Variants in CTNNA1 observed in about 807,000 individuals in gnomAD.
CTNNA1 encodes catenin alpha-1.
In CTNNA1, 37 loss-of-function variants were observed where a neutral mutation model predicts 98.4. The ratio of observed to expected loss-of-function variants is 0.38; its 90% confidence interval spans 0.29 to 0.49. The LOEUF (loss-of-function observed/expected upper bound fraction) is 0.49. Among genes scored for constraint, CTNNA1 ranks in the 20% least tolerant of loss-of-function variants. CTNNA1 has a pLI of 0.95. For synonymous variants in CTNNA1, 404 were observed against 413.2 expected (o/e 0.98, Z 0.27); for missense variants, 761 against 1,147.2 (o/e 0.66, Z 4.86).
At chr5:138,929,572 G>T (rs1764873000) in intron 14 of CTNNA1, among the ~76,000 whole-genome samples, 1 of 152,208 alleles carries the variant, frequency 6.6e-6, no homozygotes. Flanking sequence ...CCTCTGCAGT[G>T]CCCTGAGCTT....
intron 7 of CTNNA1, among the ~76,000 whole-genome samples, chr5:138,838,466 C>T (rs1379205889): frequency 6.6e-6 from 1 of 152,210 alleles, no homozygotes; most frequent in East Asian, 1.9e-4. Context: ...CTTTCTTTGT[C>T]AATCTGGCCA....
intron 5 of CTNNA1, among the ~76,000 whole-genome samples, chr5:138,814,751 G>GGTTTTTTTTT (rs755503359): frequency 6.6e-6 from 1 of 151,766 alleles, no homozygotes; most frequent in Admixed American, 6.6e-5. Flanking sequence ...TAAATAGATG[G>GGTTTTTTTTT]GTTTTTTTTT....
intron 3 of CTNNA1, among the ~76,000 whole-genome samples, chr5:138,793,858 T>C (rs28363388): frequency 6.6e-6 from 1 of 152,160 alleles, no homozygotes; most frequent in Non-Finnish European, 1.5e-5. Flanking sequence ...ATCCATTCTG[T>C]CTGTCAACTG....
chr5:138,778,451 C>T (rs1203388048), intron 1 of CTNNA1, among the ~76,000 whole-genome samples: 4 of 152,094 alleles, frequency 2.6e-5, no homozygotes, highest in South Asian at 4.1e-4. Flanking sequence ...TTAGGAGATA[C>T]GTGATGTGGG....
chr5:138,929,196 G>A (rs1396209402), intron 13 of CTNNA1, 50 bp from the exon 14 acceptor site: 1 of 999,582 alleles, frequency 1.0e-6, no homozygotes, highest in Admixed American at 1.7e-5. Context: ...GTGGCTGGGG[G>A]CTGGTGGCCC....
At chr5:138,880,936 GA>G (rs5871683) in intron 7 of CTNNA1, 15,056 of 355,866 alleles carry the variant, frequency 0.042, 193 homozygotes, top group Non-Finnish European at 0.057. Context: ...ATATGGCAAG[GA>G]AAAAAAAAAA....
intron 1 of CTNNA1, among the ~76,000 whole-genome samples, chr5:138,767,201 A>C (rs906688837): frequency 1.3e-5 from 2 of 152,004 alleles, no homozygotes; most frequent in East Asian, 3.9e-4. Context: ...ACGCCTGGCT[A>C]ATTTTTTGTA....
chr5:138,794,312 T>C (rs1191899087), intron 3 of CTNNA1, among the ~76,000 whole-genome samples: 2 of 152,096 alleles, frequency 1.3e-5, no homozygotes, highest in Admixed American at 6.5e-5. Context: ...CCACTGGGCC[T>C]GGCCTCTTTT....
chr5:138,898,129 T>C (rs1757276248), intron 9 of CTNNA1, among the ~76,000 whole-genome samples: 1 of 152,148 alleles, frequency 6.6e-6, no homozygotes, highest in South Asian at 2.1e-4. Flanking sequence ...GATCTGGTCA[T>C]TTAAAAGTGT....
intron 2 of CTNNA1, 97 bp from the exon 3 acceptor site, chr5:138,783,080 T>C: frequency 2.1e-6 from 2 of 933,982 alleles, no homozygotes; most frequent in East Asian, 2.6e-5. Context: ...GAATCTCATG[T>C]GATTTTTTAA....
At chr5:138,848,739 T>C (rs1762939359) in intron 7 of CTNNA1, among the ~76,000 whole-genome samples, 1 of 152,214 alleles carries the variant, frequency 6.6e-6, no homozygotes, top group African/African-American at 2.4e-5. Flanking sequence ...GCATACTTTT[T>C]TTTGAGATAG....
chr5:138,855,886 A>G (rs1465132767), intron 7 of CTNNA1, among the ~76,000 whole-genome samples: 1 of 152,160 alleles, frequency 6.6e-6, no homozygotes, highest in African/African-American at 2.4e-5. Flanking sequence ...AAAGAAATGT[A>G]TGTTATTACT....
chr5:138,853,093 C>A (rs1377019397), intron 7 of CTNNA1, among the ~76,000 whole-genome samples: 2 of 151,678 alleles, frequency 1.3e-5, no homozygotes, highest in African/African-American at 4.8e-5. Context: ...TAACAGTAGG[C>A]ATTATTTGTT....
At chr5:138,825,223 A>G (rs1024348133) in intron 6 of CTNNA1, among the ~76,000 whole-genome samples, 22 of 152,234 alleles carry the variant, frequency 1.4e-4, no homozygotes, top group African/African-American at 4.6e-4. Flanking sequence ...CAAAAGTACC[A>G]TCATTCTAAT....
At chr5:138,919,582 C>T (rs1268856578) in intron 11 of CTNNA1, among the ~76,000 whole-genome samples, 1 of 152,118 alleles carries the variant, frequency 6.6e-6, no homozygotes, top group Non-Finnish European at 1.5e-5. Context: ...ACACTGTTGT[C>T]TGGTGAGTGT....
At chr5:138,835,716 A>G (rs1761712033) in intron 7 of CTNNA1, among the ~76,000 whole-genome samples, 1 of 152,206 alleles carries the variant, frequency 6.6e-6, no homozygotes, top group South Asian at 2.1e-4. Flanking sequence ...ACTACAGTGA[A>G]GCCATTTAAC....
chr5:138,862,656 A>G (rs1764398019), intron 7 of CTNNA1, among the ~76,000 whole-genome samples: 1 of 152,212 alleles, frequency 6.6e-6, no homozygotes, highest in Non-Finnish European at 1.5e-5. Context: ...ATCTAATATT[A>G]TAGTACATTT....
chr5:138,886,743 G>A (rs771664678), intron 8 of CTNNA1, among the ~76,000 whole-genome samples: 2 of 152,144 alleles, frequency 1.3e-5, no homozygotes, highest in African/African-American at 2.4e-5. Context: ...GATATTTGAG[G>A]TGCTGAATTT....
intron 4 of CTNNA1, among the ~76,000 whole-genome samples, chr5:138,811,565 G>A (rs557107574): frequency 6.6e-6 from 1 of 151,920 alleles, no homozygotes; most frequent in Non-Finnish European, 1.5e-5. Context: ...GCCAAGGCAG[G>A]TGGCTGGGAG....
Sources: gnomAD v4.1 joint callset for allele counts (sites outside exome capture counted in the v4.1 genomes callset) on GRCh38, gnomAD v4.1.1 for gene constraint, MANE v1.5 for transcripts, NCBI Gene and HGNC (gene_info 2026-07-23, HGNC 2026-07-21) for gene names.